The following CTC1 variants were observed in gnomAD, a reference collection of about 807,000 sequenced individuals.
CTC1 encodes the protein CST complex subunit CTC1.
In CTC1, 91 loss-of-function variants were observed where a neutral mutation model predicts 136.3. The ratio of observed to expected loss-of-function variants is 0.67; its 90% CI spans 0.56 to 0.79. The LOEUF is 0.79. CTC1 is among the 30% of genes least tolerant of loss of function. The pLI is 0.00. For synonymous variants in CTC1, 606 were observed against 613.8 expected (o/e 0.99, Z 0.19); for missense variants, 1,432 against 1,498.1 (o/e 0.96, Z 0.73).
intron 1 of CTC1, among the ~76,000 whole-genome samples, chr17:8,244,603 G>A (rs113401088): frequency 0.02 from 2,968 of 151,346 alleles, 100 homozygotes; most frequent in African/African-American, 0.068. Context: ...TCGGCTCACC[G>A]CAACCTCCGC....
chr17:8,226,219 T>C lies in CTC1; in HGVS notation c.*1961A>G, dbSNP rs775346688. 1 of 152,244 alleles carries C rather than the reference T, an allele frequency of 6.6e-6. No homozygotes were observed. The highest frequency in any genetic ancestry group is 1.5e-5 in the Non-Finnish European group (1 of 68,034). The allele number at this position is 152,244 out of a possible 1,614,324, so 9.4% of individuals were successfully genotyped here. A position where few individuals can be genotyped will look rare whatever the true frequency, so the allele number is the denominator to read the frequency against. ...TGTGGATTTAGCCGCAAAATCACGC[T>C]GTTTCAATTGAATAAAGGCACCGCT... is the stretch of plus-strand genomic sequence containing the variant. On this transcript the variant is annotated 3_prime_UTR_variant, in exon 23 of 23. Transcript: ENST00000651323.
In CTC1 at chr17:8,232,929, G is replaced by A; in HGVS notation, c.1922C>T (p.Pro641Leu). Residue 641 changes from proline to leucine, a missense_variant, in exon 11 of 23, where the codon CCC becomes CTC. By Grantham distance (98) the Pro-to-Leu change is moderately conservative (BLOSUM62 -3). Coordinates refer to ENST00000651323, the MANE Select transcript of CTC1 (RefSeq NM_025099.6). ...ACCTATCAGCCGTGGGTCACTGAGG[G>A]GTTGAGAGTGCTTGGCCAGGAGCAG... ...PCLLLAKHSQ[P>L]LSDPRLIGCL... is the part of the protein sequence containing the mutation. 2 of 1,614,094 alleles carry A rather than the reference G, an allele frequency of 1.2e-6. No individual in the cohort carries two copies. The highest frequency in any genetic ancestry group is 1.7e-6 in the Non-Finnish European group (2 of 1,179,992).
intron 2 of CTC1, among the ~76,000 whole-genome samples, chr17:8,242,531 GAGAAAAAAAAAAA>G (rs1323635935): frequency 3.8e-5 from 3 of 79,712 alleles, no homozygotes; most frequent in African/African-American, 1.6e-4. Flanking sequence ...ATAGTGTAGA[GAGAAAAAAAAAAA>G]AAAAAAAAAA....
intron 15 of CTC1, 129 bp from the exon 16 acceptor site, chr17:8,230,780 C>T: frequency 1.3e-6 from 1 of 741,716 alleles, no homozygotes. Flanking sequence ...CTGAAAAAAC[C>T]TGAGCTCTGC....
At chr17:8,246,929 C>T (rs2151558654) in intron 1 of CTC1, among the ~76,000 whole-genome samples, 1 of 151,970 alleles carries the variant, frequency 6.6e-6, no homozygotes, top group East Asian at 1.9e-4. Context: ...CACACACGCA[C>T]ACAAACCAAT....
At chr17:8,245,373 C>A (rs1988590327) in intron 1 of CTC1, among the ~76,000 whole-genome samples, 1 of 152,178 alleles carries the variant, frequency 6.6e-6, no homozygotes, top group Non-Finnish European at 1.5e-5. Flanking sequence ...TGACTTTCAG[C>A]CCACTTCAGC....
At position 8,232,882 on chromosome 17, in the gene CTC1, T is replaced by G. The variant is rs755951015; in HGVS notation, c.1945+24A>C. Reference sequence around the variant, plus strand: ...GAGAACCACCATCCCACTACCATCTTCTTTCCACATCTGAACTCCAAACCT... The same window carrying G: ...GAGAACCACCATCCCACTACCATCTGCTTTCCACATCTGAACTCCAAACCT... On this transcript the variant is annotated intron_variant, in intron 11 of 22. Transcript: ENST00000651323. 8 of 1,612,342 alleles carry G rather than the reference T, an allele frequency of 5.0e-6. No individual in the cohort carries two copies. In the East Asian group the frequency reaches 1.6e-4, roughly 31 times the overall value.
rs367898339 is a variant in CTC1 at position 8,235,216 on chromosome 17, G to A, written c.1276C>T (p.Arg426Cys). Residue 426 changes from arginine to cysteine, a missense_variant, in exon 8 of 23, where the codon CGT becomes TGT. Arg to Cys is a radical substitution (Grantham distance 180). Coordinates refer to ENST00000651323, the MANE Select transcript of CTC1 (RefSeq NM_025099.6). The part of the protein sequence containing the change: ...TRRPVLAPCL[R>C]GAVLLQSFSR... ...AAGCTTTGAAGCAGAACGGCGCCAC[G>A]GAGGCAGGGGGCGAGCACTGGCCTT... is the stretch of plus-strand genomic sequence containing the variant. 20 of 1,614,142 alleles carry A rather than the reference G, an allele frequency of 1.2e-5. No individual in the cohort carries two copies. The highest frequency in any genetic ancestry group is 3.3e-5 in the Admixed American group (2 of 60,024).
intron 1 of CTC1, 78 bp from the exon 2 acceptor site, chr17:8,243,226 A>T: frequency 7.1e-7 from 1 of 1,411,326 alleles, no homozygotes; most frequent in Non-Finnish European, 9.6e-7. Context: ...AAGGACTAGA[A>T]AAAAATATCC....
rs754093147 is a variant in CTC1 at position 8,226,159 on chromosome 17, T to TAA, written c.*2020_*2021insTT. The TAA allele has an allele frequency of 6.6e-6, 1 of 152,194 alleles. No individual in the cohort carries two copies. Among genetic ancestry groups the TAA allele is most frequent in the Admixed American group, 6.5e-5 (1 of 15,274 alleles). 9.4% of individuals were successfully genotyped at this position (152,194 alleles called of 1,614,324 possible). A position where few individuals can be genotyped will look rare whatever the true frequency, so the allele number is the denominator to read the frequency against. The stretch of plus-strand genomic sequence containing the variant: ...GCTATGAGTGCAGAACAGAAACTCT[T>TAA]ACGCGTTCTGATATAAAAACAATAC... On this transcript the variant is annotated 3_prime_UTR_variant, in exon 23 of 23. Coordinates refer to ENST00000651323, the MANE Select transcript of CTC1 (RefSeq NM_025099.6).
intron 2 of CTC1, among the ~76,000 whole-genome samples, chr17:8,240,400 C>T (rs1166569645): frequency 1.3e-5 from 2 of 150,696 alleles, no homozygotes; most frequent in Non-Finnish European, 2.9e-5. Flanking sequence ...GTGATCCACC[C>T]GTCTCAGCCT....
rs1386251831 is a variant in CTC1 at position 8,236,064 on chromosome 17, G to A, written c.1071C>T (p.Ser357=). ...GATCTCTCCCTGTGCTCACCGAATA[G>A]GATAGGAGTCTAGAATACCGGACAA... The part of the protein sequence containing the change: ...ESLVRYSRLL[S]YSGAVTGVLN... The change falls in exon 6 of 23, where the codon TCC becomes TCT. Residue 357 remains serine (S), a synonymous_variant. Coordinates refer to ENST00000651323, the MANE Select transcript of CTC1 (RefSeq NM_025099.6). 6.2e-7 allele frequency: 1 copy of A among 1,613,276 alleles called. No individual in the cohort carries two copies. Among genetic ancestry groups the A allele is most frequent in the African/African-American group, 1.3e-5 (1 of 75,040 alleles).
chr17:8,241,851 A>AAG (rs893601447), intron 2 of CTC1, among the ~76,000 whole-genome samples: 3 of 148,534 alleles, frequency 2.0e-5, no homozygotes, highest in African/African-American at 7.4e-5. Context: ...CCCTGTCTCA[A>AAG]AAAAAAAAAA....
At chr17:8,235,325 AC>A in intron 7 of CTC1, 40 bp from the exon 8 acceptor site, 1 of 1,472,920 alleles carries the variant, frequency 6.8e-7, no homozygotes. Context: ...AGAGATGAAG[AC>A]CCCAACTCAA....
At chr17:8,241,403 T>A (rs367717164) in intron 2 of CTC1, among the ~76,000 whole-genome samples, 7 of 151,950 alleles carry the variant, frequency 4.6e-5, no homozygotes, top group Admixed American at 2.0e-4. Flanking sequence ...GCAGATCACC[T>A]GAGGTCAGGA....
At chr17:8,247,905 C>T in intron 1 of CTC1, 99 bp downstream of exon 1, 1 of 1,306,504 alleles carries the variant, frequency 7.7e-7, no homozygotes, top group Non-Finnish European at 1.1e-6. Context: ...CCGGACGCGG[C>T]CAGCGAGCCC....
Position 8,229,323 on chromosome 17 carries a change from A to G in CTC1, c.3135T>C (p.Tyr1045=). ...FSLQLFWVCA[Y]CTSICRQGKC... is the part of the protein sequence containing the mutation. Reference sequence around the variant, plus strand: ...TTACCTGCCGGCAGATGCTGGTACAATAAGCACACACCCAGAAGAGCTGAA... The same window carrying G: ...TTACCTGCCGGCAGATGCTGGTACAGTAAGCACACACCCAGAAGAGCTGAA... The change falls in exon 19 of 23, where the codon TAT becomes TAC. Residue 1045 remains tyrosine (Y), a synonymous_variant. Transcript: ENST00000651323. 9 of 1,614,238 alleles carry G rather than the reference A, an allele frequency of 5.6e-6. No individual in the cohort carries two copies. The highest frequency in any genetic ancestry group is 7.6e-6 in the Non-Finnish European group (9 of 1,180,038).
At chr17:8,234,389 C>CTA (rs1987506112) in intron 10 of CTC1, 66 bp downstream of exon 10, 2 of 1,429,022 alleles carry the variant, frequency 1.4e-6, no homozygotes, top group African/African-American at 2.8e-5. Context: ...GTAACCGAGA[C>CTA]TAGAGTCGTG....
rs767816792 is a variant in CTC1 at position 8,237,466 on chromosome 17, C to G, written c.701G>C (p.Ser234Thr). Residue 234 changes from serine to threonine, a missense_variant, in exon 5 of 23, where the codon AGT becomes ACT. Physicochemically the swap from Ser to Thr is moderately conservative, Grantham distance 58 (BLOSUM62 1). Transcript: ENST00000651323. ...RNLAGSLVRLSALVKSKQKAY... is the reference protein window; with the variant it reads ...RNLAGSLVRLTALVKSKQKAY... ...TTTCTGTTTACTTTTCACCAGAGCA[C>G]TCAATCGAACTAGACTCCCAGCCAG... is the stretch of plus-strand genomic sequence containing the variant. 1.9e-6 allele frequency: 3 copies of G among 1,613,822 alleles called. No homozygotes were observed. The highest frequency in any genetic ancestry group is 2.5e-6 in the Non-Finnish European group (3 of 1,179,982).
Sources: allele counts gnomAD v4.1 joint callset (sites outside exome capture counted in the v4.1 genomes callset), GRCh38; gene constraint gnomAD v4.1.1; transcripts MANE v1.5; gene names NCBI Gene and HGNC (gene_info 2026-07-23, HGNC 2026-07-21).